The following USP34 variants were observed in gnomAD, a reference collection of about 807,000 sequenced individuals.
USP34 encodes ubiquitin specific peptidase 34.
USP34 carries 70 observed loss-of-function variants against 460.3 expected under a neutral mutation model. That is an observed-to-expected ratio of 0.15 (90% CI 0.13 to 0.19). The LOEUF is 0.19. USP34 is among the 10% of genes least tolerant of loss of function. The pLI, the probability that USP34 is intolerant of heterozygous loss-of-function variation, is 1.00. For synonymous variants in USP34, 1,647 were observed against 1,405.3 expected (o/e 1.17, Z -3.85); for missense variants, 3,985 against 4,236.2 (o/e 0.94, Z 1.65).
chr2:61,356,715 A>G (rs1454821169), intron 10 of USP34, among the ~76,000 whole-genome samples: 1 of 152,206 alleles, frequency 6.6e-6, no homozygotes, highest in Admixed American at 6.5e-5. Flanking sequence ...AGTTGATGAG[A>G]GGGGAAAATG....
chr2:61,363,842 CAT>C, intron 10 of USP34, among the ~76,000 whole-genome samples: 1 of 133,120 alleles, frequency 7.5e-6, no homozygotes, highest in Non-Finnish European at 1.7e-5. Context: ...GCAGTATATA[CAT>C]ACAGTAGAGT....
intron 27 of USP34, among the ~76,000 whole-genome samples, chr2:61,305,191 G>C (rs958542320): frequency 6.6e-6 from 1 of 152,060 alleles, no homozygotes; most frequent in Non-Finnish European, 1.5e-5. Context: ...AGGCGTGGTG[G>C]AGTGCGCCTG....
chr2:61,210,605 T>A (rs1687247182), intron 69 of USP34, among the ~76,000 whole-genome samples: 1 of 152,268 alleles, frequency 6.6e-6, no homozygotes, highest in Non-Finnish European at 1.5e-5. Context: ...GCTATATTAC[T>A]GTTAACAGGT....
At chr2:61,388,508 G>C (rs1387130772) in intron 5 of USP34, among the ~76,000 whole-genome samples, 1 of 149,742 alleles carries the variant, frequency 6.7e-6, no homozygotes, top group Non-Finnish European at 1.5e-5. Context: ...TGTAATTTCA[G>C]CACTTTGGGA....
intron 1 of USP34, among the ~76,000 whole-genome samples, chr2:61,426,658 G>C (rs1430512743): frequency 6.6e-6 from 1 of 152,234 alleles, no homozygotes; most frequent in Non-Finnish European, 1.5e-5. Context: ...GAAGGATGCA[G>C]GTCTGGCTGG....
At chr2:61,242,308 T>G (rs1441365796) in intron 51 of USP34, among the ~76,000 whole-genome samples, 1 of 152,130 alleles carries the variant, frequency 6.6e-6, no homozygotes, top group East Asian at 1.9e-4. Flanking sequence ...CAAACATAAT[T>G]TTGAACCTCA....
chr2:61,443,344 C>G (rs1015810949), intron 1 of USP34, among the ~76,000 whole-genome samples: 2 of 151,942 alleles, frequency 1.3e-5, no homozygotes, highest in Admixed American at 6.6e-5. Context: ...CACTAATTAC[C>G]CTGATCTGAT....
At chr2:61,324,011 G>A (rs1691008375) in intron 21 of USP34, among the ~76,000 whole-genome samples, 1 of 152,176 alleles carries the variant, frequency 6.6e-6, no homozygotes, top group Non-Finnish European at 1.5e-5. Context: ...TATATCTCAA[G>A]CATAGGTATG....
intron 62 of USP34, chr2:61,226,812 T>G (rs2103821093): frequency 2.7e-6 from 1 of 365,302 alleles, no homozygotes; most frequent in South Asian, 7.3e-5. Flanking sequence ...TTACTGTATA[T>G]TTTTTCAATG....
intron 43 of USP34, among the ~76,000 whole-genome samples, chr2:61,261,886 C>T (rs777454686): frequency 4.0e-5 from 6 of 151,358 alleles, no homozygotes; most frequent in Non-Finnish European, 5.9e-5. Flanking sequence ...GGGGGGATCA[C>T]GAGGTCAGGA....
At chr2:61,247,435 T>C (rs945527449) in intron 49 of USP34, among the ~76,000 whole-genome samples, 2 of 152,216 alleles carry the variant, frequency 1.3e-5, no homozygotes, top group Non-Finnish European at 2.9e-5. Context: ...AATTCCTTTA[T>C]CCTGGCATAA....
chr2:61,299,515 G>T (rs1014257163), intron 29 of USP34, among the ~76,000 whole-genome samples: 1 of 152,134 alleles, frequency 6.6e-6, no homozygotes, highest in Non-Finnish European at 1.5e-5. Flanking sequence ...CACTTTAGGA[G>T]GCTGAGGTGG....
chr2:61,439,174 G>A (rs1182865171), intron 1 of USP34, among the ~76,000 whole-genome samples: 1 of 152,214 alleles, frequency 6.6e-6, no homozygotes, highest in Non-Finnish European at 1.5e-5. Flanking sequence ...CACTTTGGGA[G>A]GCTGAGTTGG....
intron 41 of USP34, among the ~76,000 whole-genome samples, chr2:61,268,970 GAAGA>G (rs1484378656): frequency 6.6e-6 from 1 of 151,280 alleles, no homozygotes; most frequent in Non-Finnish European, 1.5e-5. Flanking sequence ...ACTAAATATA[GAAGA>G]AATTTAAGAC....
chr2:61,411,375 T>C (rs1040151100), intron 2 of USP34, among the ~76,000 whole-genome samples: 17 of 129,660 alleles, frequency 1.3e-4, no homozygotes, highest in African/African-American at 4.6e-4. Context: ...ATCAAGATCC[T>C]GTCTCAAAAA....
At chr2:61,419,396 G>T (rs1257430290) in intron 2 of USP34, among the ~76,000 whole-genome samples, 2 of 149,020 alleles carry the variant, frequency 1.3e-5, no homozygotes, top group Non-Finnish European at 3.0e-5. Context: ...CAAACACTTT[G>T]ATATTCTGAT....
intron 18 of USP34, among the ~76,000 whole-genome samples, chr2:61,336,981 T>G (rs1009877632): frequency 6.6e-6 from 1 of 152,292 alleles, no homozygotes; most frequent in South Asian, 2.1e-4. Flanking sequence ...GGACCCTTAA[T>G]GGCTGCATGA....
Position 61,188,013 on chromosome 2 carries a change from T to G in USP34, c.*89A>C. The G allele has an allele frequency of 1.3e-6, 2 of 1,519,216 alleles. No homozygotes were observed. The highest frequency in any genetic ancestry group is 2.7e-5 in the South Asian group (2 of 73,414). 94.1% of individuals were successfully genotyped at this position (1,519,216 alleles called of 1,614,324 possible). On this transcript the variant is annotated 3_prime_UTR_variant, in exon 80 of 80. Transcript: ENST00000398571. ...TTCAAGCAGAGAGCACTGGACAAAC[T>G]GAAGCACAAAAACAAATAAGCAAAA...
At chr2:61,403,992 CAAAAAAAAAAAA>C (rs71405114) in intron 3 of USP34, among the ~76,000 whole-genome samples, 4,306 of 29,174 alleles carry the variant, frequency 0.15, 313 homozygotes, top group African/African-American at 0.36. Context: ...GACTCTATCT[CAAAAAAAAAAAA>C]AAAAAAAAAA....
Sources: gnomAD v4.1 joint callset for allele counts (sites outside exome capture counted in the v4.1 genomes callset) on GRCh38, gnomAD v4.1.1 for gene constraint, MANE v1.5 for transcripts, NCBI Gene and HGNC (gene_info 2026-07-23, HGNC 2026-07-21) for gene names.